Variants in RGS6 observed in about 807,000 individuals in gnomAD.
RGS6 encodes regulator of G protein signaling 6.
RGS6 carries 30 observed loss-of-function variants against 78.5 expected under a neutral mutation model. That is an observed-to-expected ratio of 0.38 (90% CI 0.29 to 0.52). The LOEUF is 0.52. RGS6 is among the 20% of genes least tolerant of loss of function. RGS6 has a pLI of 0.85. For missense variants in RGS6, 495 were observed against 609.7 expected (o/e 0.81, Z 1.98); for synonymous variants, 206 against 206.0 (o/e 1.00, Z 0.00).
intron 3 of RGS6, among the ~76,000 whole-genome samples, chr14:72,356,056 A>G (rs757205091): frequency 4.6e-5 from 7 of 152,174 alleles, no homozygotes; most frequent in African/African-American, 7.2e-5. Context: ...TCACTCTATT[A>G]TATTCAGAAT....
rs546836290 is a variant in RGS6, at chr14:72,064,268, C to A, written c.84+99393C>A. Reference sequence around the variant, plus strand: ...GAGGGTGAAGACATAAAGTGGGGAACGGACCATGGAGAGGAGGTCAAGTCA... The same window carrying A: ...GAGGGTGAAGACATAAAGTGGGGAAAGGACCATGGAGAGGAGGTCAAGTCA... On this transcript the variant is annotated intron_variant, in intron 2 of 17. Coordinates refer to ENST00000553525, the MANE Select transcript of RGS6 (RefSeq NM_001204424.2). Among the ~76,000 whole-genome samples the A allele has an allele frequency of 2.6e-5, 4 of 152,044 alleles. No individual in the cohort carries two copies. In the South Asian group the frequency reaches 8.3e-4, roughly 32 times the overall value.
At chr14:72,161,589 T>C (rs562633409) in intron 2 of RGS6, among the ~76,000 whole-genome samples, 21 of 152,260 alleles carry the variant, frequency 1.4e-4, no homozygotes, top group African/African-American at 5.1e-4. Context: ...TCCACACAGG[T>C]GCCATGAGCT....
intron 2 of RGS6, among the ~76,000 whole-genome samples, chr14:72,265,664 G>A (rs998773791): frequency 6.6e-6 from 1 of 152,118 alleles, no homozygotes; most frequent in Middle Eastern, 3.2e-3. Flanking sequence ...AGCCAAAGTG[G>A]CTTGCCTGTG....
chr14:71,981,728 G>T (rs1344279294), intron 2 of RGS6, among the ~76,000 whole-genome samples: 1 of 151,562 alleles, frequency 6.6e-6, no homozygotes, highest in Non-Finnish European at 1.5e-5. Flanking sequence ...AGAGGTTACT[G>T]CTGTCTTTTT....
chr14:72,235,455 T>G (rs903928359), intron 2 of RGS6, among the ~76,000 whole-genome samples: 3 of 152,240 alleles, frequency 2.0e-5, no homozygotes, highest in Non-Finnish European at 2.9e-5. Context: ...AAATAAACTT[T>G]AATGAACAAT....
At chr14:72,058,505 G>A (rs1348921035) in intron 2 of RGS6, among the ~76,000 whole-genome samples, 1 of 151,064 alleles carries the variant, frequency 6.6e-6, no homozygotes, top group African/African-American at 2.4e-5. Context: ...GGTATATAAA[G>A]GGTTTTTTTT....
At chr14:72,259,910 CAAAAAAAAAAAA>C (rs11287556) in intron 2 of RGS6, among the ~76,000 whole-genome samples, 1 of 68,410 alleles carries the variant, frequency 1.5e-5, no homozygotes, top group Non-Finnish European at 2.3e-5. Flanking sequence ...GACTCCGTCT[CAAAAAAAAAAAA>C]AAAAAAAAAG....
chr14:72,286,141 T>C (rs1049123530), intron 2 of RGS6, among the ~76,000 whole-genome samples: 19 of 152,240 alleles, frequency 1.2e-4, no homozygotes, highest in African/African-American at 4.6e-4. Context: ...TTTTATAGTT[T>C]CAGGTCTTAC....
At chr14:72,523,203 T>C (rs1017677127) in intron 15 of RGS6, among the ~76,000 whole-genome samples, 3 of 152,174 alleles carry the variant, frequency 2.0e-5, no homozygotes, top group Non-Finnish European at 2.9e-5. Flanking sequence ...CAGACCACAC[T>C]GTCCCTGGAT....
At position 72,465,835 on chromosome 14, in the gene RGS6, A is replaced by G. The variant is rs1566915406; in HGVS notation, c.459+13A>G. Reference sequence around the variant, plus strand: ...AGATTATGAAGCAGTAAGTATGATTATTTTCCAGGATACATATAAGAAGAG... The same window carrying G: ...AGATTATGAAGCAGTAAGTATGATTGTTTTCCAGGATACATATAAGAAGAG... On this transcript the variant is annotated intron_variant, in intron 7 of 17. Coordinates refer to ENST00000553525, the MANE Select transcript of RGS6 (RefSeq NM_001204424.2). 2 of 1,601,988 alleles carry G rather than the reference A, an allele frequency of 1.2e-6. No individual in the cohort carries two copies. Among genetic ancestry groups the G allele is most frequent in the Non-Finnish European group, 1.7e-6 (2 of 1,169,064 alleles).
intron 3 of RGS6, among the ~76,000 whole-genome samples, chr14:72,424,513 G>C (rs2094348175): frequency 6.6e-6 from 1 of 152,034 alleles, no homozygotes; most frequent in Admixed American, 6.6e-5. Context: ...TCTTAAAGGA[G>C]GTATAATTCT....
chr14:72,137,325 CT>C (rs2096460281), intron 2 of RGS6, among the ~76,000 whole-genome samples: 1 of 152,162 alleles, frequency 6.6e-6, no homozygotes, highest in Non-Finnish European at 1.5e-5. Flanking sequence ...AACCAAACTG[CT>C]TTTTCTATTC....
At chr14:72,159,213 C>T (rs965516324) in intron 2 of RGS6, among the ~76,000 whole-genome samples, 1 of 152,192 alleles carries the variant, frequency 6.6e-6, no homozygotes, top group African/African-American at 2.4e-5. Context: ...GGCTCTAAGA[C>T]ATTATGCGAA....
chr14:72,584,046 T>C, the RGS6 span, among the ~76,000 whole-genome samples: 1 of 152,206 alleles, frequency 6.6e-6, no homozygotes, highest in Non-Finnish European at 1.5e-5. Context: ...AGGGGGTGCA[T>C]CTGGATTTCC....
chr14:72,227,733 A>G (rs1007965228), intron 2 of RGS6, among the ~76,000 whole-genome samples: 2 of 152,232 alleles, frequency 1.3e-5, no homozygotes, highest in Non-Finnish European at 2.9e-5. Flanking sequence ...GAGATAAAGA[A>G]TATGACTTCT....
intron 2 of RGS6, among the ~76,000 whole-genome samples, chr14:72,082,612 A>G (rs1414200176): frequency 6.6e-6 from 1 of 152,170 alleles, no homozygotes; most frequent in Non-Finnish European, 1.5e-5. Context: ...AAAAGTATTG[A>G]ATCATCATGT....
In RGS6 at chr14:72,562,978, CTG is replaced by C; in HGVS notation, c.*514_*515del. On this transcript the variant is annotated 3_prime_UTR_variant, in exon 18 of 18. Transcript: ENST00000553525. The stretch of plus-strand genomic sequence containing the variant: ...CCGCCGCCTGTCATCCCTCACGTCT[CTG>C]TGGCCACCCGGGTGTCACTGCCAGC... 1 of 593,836 alleles carries C rather than the reference CTG, an allele frequency of 1.7e-6. No homozygotes were observed. Among genetic ancestry groups the C allele is most frequent in the Non-Finnish European group, 3.0e-6 (1 of 330,494 alleles). 36.8% of individuals were successfully genotyped at this position (593,836 alleles called of 1,614,324 possible). A position where few individuals can be genotyped will look rare whatever the true frequency, so the allele number is the denominator to read the frequency against.
chr14:72,116,700 A>G (rs182268036), intron 2 of RGS6, among the ~76,000 whole-genome samples: 216 of 152,210 alleles, frequency 1.4e-3, no homozygotes, highest in African/African-American at 4.9e-3. Context: ...GCAGTGGCTC[A>G]TGCCTGTAAC....
chr14:72,268,761 C>T (rs1358369120), intron 2 of RGS6, among the ~76,000 whole-genome samples: 1 of 152,130 alleles, frequency 6.6e-6, no homozygotes, highest in Non-Finnish European at 1.5e-5. Context: ...AGTTGTGGTA[C>T]CATCCCGCCC....
Sources: gnomAD v4.1 joint callset for allele counts (sites outside exome capture counted in the v4.1 genomes callset) on GRCh38, gnomAD v4.1.1 for gene constraint, MANE v1.5 for transcripts, NCBI Gene and HGNC (gene_info 2026-07-23, HGNC 2026-07-21) for gene names.